Variants in CTTN observed in about 807,000 individuals in gnomAD.
The protein encoded by CTTN is cortactin, also known as src substrate cortactin.
Under a neutral mutation model 84.0 loss-of-function variants are expected in CTTN, and 28 were observed. The ratio of observed to expected loss-of-function variants is 0.33; its 90% CI spans 0.25 to 0.46. The LOEUF (loss-of-function observed/expected upper bound fraction) is 0.46. Ranked by LOEUF, CTTN falls within the 20% of genes least tolerant of loss-of-function variation. The probability of loss-of-function intolerance (pLI) is 1.00; values close to 1 mark genes in which losing one functional copy is unlikely to be tolerated. For missense variants in CTTN, 641 were observed against 723.8 expected, an observed-to-expected ratio of 0.89 and a Z score of 1.31; for synonymous variants, 301 against 288.8, an observed-to-expected ratio of 1.04 and a Z score of -0.43.
In CTTN at chr11:70,404,729, G is replaced by A. The variant is rs752167277; in HGVS notation, c.-97-536G>A. Among the ~76,000 whole-genome samples the A allele has an allele frequency of 5.1e-4, 78 of 152,338 alleles. 1 individual carries two copies. The highest frequency in any genetic ancestry group is 1.5e-3 in the African/African-American group (61 of 41,574). On this transcript the variant is annotated intron_variant, in intron 1 of 17. Transcript: ENST00000301843. ...ATAAGAAACATCATGTAGGCCGGGC[G>A]CCATGCCTCACACCTGTAATCCCAG... is the stretch of plus-strand genomic sequence containing the variant.
chr11:70,422,040 T>G (rs886766583), intron 11 of CTTN: 13 of 230,576 alleles, frequency 5.6e-5, no homozygotes, highest in Non-Finnish European at 1.0e-4. Context: ...ACAGGCGTGT[T>G]CTGTGTGGTT....
intron 14 of CTTN, 90 bp downstream of exon 14, chr11:70,429,289 T>G: frequency 6.9e-7 from 1 of 1,441,254 alleles, no homozygotes. Context: ...GGGCTTATTC[T>G]CTCCTGGCCA....
chr11:70,430,229 G>A (rs1455691600), intron 14 of CTTN, among the ~76,000 whole-genome samples: 1 of 152,234 alleles, frequency 6.6e-6, no homozygotes, highest in Non-Finnish European at 1.5e-5. Flanking sequence ...TTCAGATCCT[G>A]CCTGGGCAGC....
At chr11:70,405,669 AGCTCGCAAGTGCCCACCCC>A (rs2058033857) in intron 2 of CTTN, among the ~76,000 whole-genome samples, 2 of 152,258 alleles carry the variant, frequency 1.3e-5, no homozygotes, top group South Asian at 4.2e-4. Flanking sequence ...AGGATTGTGA[AGCTCGCAAGTGCCCACCCC>A]GCTCGCTGGT....
chr11:70,423,051 G>C, intron 12 of CTTN, 56 bp downstream of exon 12: 1 of 1,607,332 alleles, frequency 6.2e-7, no homozygotes, highest in Non-Finnish European at 8.5e-7. Flanking sequence ...CTCTTGGTGG[G>C]CGTGGCTCAC....
intron 8 of CTTN, among the ~76,000 whole-genome samples, chr11:70,417,336 T>TG (rs2058175705): frequency 6.6e-6 from 1 of 152,174 alleles, no homozygotes; most frequent in Non-Finnish European, 1.5e-5. Flanking sequence ...ATTCCTTTTT[T>TG]GAATGTGGAA....
Position 70,420,588 on chromosome 11 carries a change from G to C in CTTN, c.790+78G>C. 5.1e-6 allele frequency: 5 copies of C among 980,758 alleles called. No individual in the cohort carries two copies. In the South Asian group the frequency reaches 5.3e-5, roughly 10 times the overall value. The allele number at this position is 980,758 out of a possible 1,614,324, so 60.8% of individuals were successfully genotyped here. On this transcript the variant is annotated intron_variant, in intron 10 of 17. Coordinates refer to ENST00000301843, the MANE Select transcript of CTTN (RefSeq NM_005231.4). ...CTTGCGGGGTCAGTTGGTATGTGTT[G>C]TGTCTGCGTGTGCCTGCTGCACATT...
intron 1 of CTTN, among the ~76,000 whole-genome samples, chr11:70,401,522 C>T (rs891760075): frequency 6.6e-6 from 1 of 151,824 alleles, no homozygotes; most frequent in Non-Finnish European, 1.5e-5. Flanking sequence ...GTGACAGGTG[C>T]CTGTAGTCCC....
chr11:70,430,731 G>A (rs1197979565), intron 14 of CTTN, among the ~76,000 whole-genome samples: 3 of 152,198 alleles, frequency 2.0e-5, no homozygotes, highest in Non-Finnish European at 4.4e-5. Flanking sequence ...CCCATTTTAA[G>A]GTCCCCAAAG....
chr11:70,408,250 A>G (rs972888972), intron 4 of CTTN: 1 of 152,186 alleles, frequency 6.6e-6, no homozygotes, highest in African/African-American at 2.4e-5. Flanking sequence ...AGGCAGCACC[A>G]CTGACCCGGT....
At chr11:70,417,708 C>T (rs2058180773) in intron 8 of CTTN, among the ~76,000 whole-genome samples, 2 of 152,148 alleles carry the variant, frequency 1.3e-5, no homozygotes, top group African/African-American at 4.8e-5. Flanking sequence ...GTTGCCCAGG[C>T]TGGTCTTGAA....
At chr11:70,413,962 C>T (rs901240609) in intron 5 of CTTN, among the ~76,000 whole-genome samples, 3 of 152,238 alleles carry the variant, frequency 2.0e-5, no homozygotes, top group East Asian at 3.9e-4. Context: ...CATGCCCGGT[C>T]GTGTCAGAAA....
At chr11:70,430,338 G>C (rs2058340959) in intron 14 of CTTN, among the ~76,000 whole-genome samples, 1 of 152,226 alleles carries the variant, frequency 6.6e-6, no homozygotes, top group Non-Finnish European at 1.5e-5. Flanking sequence ...TGCTGCCGTA[G>C]TCACCACCAC....
intron 8 of CTTN, among the ~76,000 whole-genome samples, chr11:70,418,693 T>C (rs761428162): frequency 3.3e-5 from 5 of 152,166 alleles, no homozygotes; most frequent in Non-Finnish European, 7.4e-5. Flanking sequence ...CTCCTGAGCT[T>C]AGAGCCTTAT....
intron 1 of CTTN, among the ~76,000 whole-genome samples, chr11:70,399,026 G>A (rs1349268886): frequency 1.4e-5 from 2 of 145,958 alleles, no homozygotes; most frequent in Non-Finnish European, 3.0e-5. Flanking sequence ...AGGAGAGGGG[G>A]ATGGGCTCCG....
At chr11:70,409,625 G>A (rs1486949523) in intron 4 of CTTN, among the ~76,000 whole-genome samples, 3 of 152,340 alleles carry the variant, frequency 2.0e-5, no homozygotes, top group South Asian at 2.1e-4. Context: ...CAGAGCATGC[G>A]TCTGATACTG....
At chr11:70,415,456 G>A (rs1006230876) in intron 6 of CTTN, among the ~76,000 whole-genome samples, 29 of 152,184 alleles carry the variant, frequency 1.9e-4, no homozygotes, top group Non-Finnish European at 3.7e-4. Flanking sequence ...GGCCTGCGCC[G>A]CCCACTGGGC....
rs760556194 is a variant in CTTN at position 70,436,382 on chromosome 11, G to A, written c.*1220G>A. 28 of 1,598,240 alleles carry A rather than the reference G, an allele frequency of 1.8e-5. No homozygotes were observed. Among genetic ancestry groups the A allele is most frequent in the African/African-American group, 1.3e-4 (10 of 74,894 alleles). ...CCAGAAGGTCACGTGGAAATGTCTC[G>A]GGACTTGGGTCCCGGAGTGCCCGTG... On this transcript the variant is annotated 3_prime_UTR_variant, in exon 18 of 18. Transcript: ENST00000301843.
intron 11 of CTTN, chr11:70,422,652 C>G: frequency 7.2e-7 from 1 of 1,391,546 alleles, no homozygotes; most frequent in Non-Finnish European, 9.5e-7. Flanking sequence ...GCCCTCTTTC[C>G]TCGCTTAGCT....
Sources: gnomAD v4.1 joint callset for allele counts (sites outside exome capture counted in the v4.1 genomes callset) on GRCh38, gnomAD v4.1.1 for gene constraint, MANE v1.5 for transcripts, NCBI Gene and HGNC (gene_info 2026-07-23, HGNC 2026-07-21) for gene names.